ARFGEF1: variants seen among roughly 807,000 people sequenced by gnomAD.
ARFGEF1 encodes ARF guanine nucleotide exchange factor 1.
Under a neutral mutation model 231.0 loss-of-function variants are expected in ARFGEF1, and 42 were observed. The observed-to-expected ratio is 0.18, with a 90% confidence interval of 0.14 to 0.24. The LOEUF is 0.24. Ranked by LOEUF, ARFGEF1 falls within the 10% of genes least tolerant of loss-of-function variation. The pLI is 1.00. For synonymous variants in ARFGEF1, 710 were observed against 732.3 expected, an observed-to-expected ratio of 0.97 and a Z score of 0.49; for missense variants, 1,345 against 2,192.0, an observed-to-expected ratio of 0.61 and a Z score of 7.72.
Position 67,273,743 on chromosome 8 carries a change from C to CA in ARFGEF1, c.1338-1808dup, listed in dbSNP as rs1017492579. Among the ~76,000 whole-genome samples the CA allele has an allele frequency of 3.4e-3, 517 of 151,442 alleles. 7 individuals are homozygous for CA. The highest frequency in any genetic ancestry group is 9.7e-4 in the East Asian group (5 of 5,158). On this transcript the variant is annotated intron_variant, in intron 9 of 38. Coordinates refer to ENST00000262215, the MANE Select transcript of ARFGEF1 (RefSeq NM_006421.5). ...ATATATGCAGCAAATAGATAATTAC[C>CA]AAAAAAAATGCTTAGATAAATCAAG...
At chr8:67,318,771 T>G (rs1470057059) in intron 1 of ARFGEF1, among the ~76,000 whole-genome samples, 1 of 152,208 alleles carries the variant, frequency 6.6e-6, no homozygotes, top group Admixed American at 6.5e-5. Context: ...GTTCAGGAAT[T>G]CAAGACCAGC....
rs764089645 is a variant in ARFGEF1 at position 67,266,113 on chromosome 8, T to C, written c.2016A>G (p.Ser672=). The C allele has an allele frequency of 5.0e-6, 8 of 1,613,774 alleles. No individual in the cohort carries two copies. The highest frequency in any genetic ancestry group is 1.3e-5 in the African/African-American group (1 of 74,906). Residue 672 remains serine, a synonymous_variant, in exon 14 of 39, where the codon TCA becomes TCG. Transcript: ENST00000262215. ...YGSLNSLEST[S]SSGIGSYSTQ... ...TACTGTAGCTGCCTATTCCTGATGA[T>C]GATGTTGACTCCAGGGAATTTAAAC...
intron 23 of ARFGEF1, 135 bp from the exon 24 acceptor site, chr8:67,228,399 T>G (rs1839448482): frequency 1.4e-6 from 1 of 738,570 alleles, no homozygotes; most frequent in African/African-American, 1.8e-5. Context: ...ATGAGTATTT[T>G]TCATCATTTA....
chr8:67,204,911 C>A, intron 34 of ARFGEF1, 92 bp from the exon 35 acceptor site: 1 of 1,460,626 alleles, frequency 6.8e-7, no homozygotes, highest in Non-Finnish European at 9.4e-7. Context: ...AAGGAAACAT[C>A]AATATGTATT....
intron 14 of ARFGEF1, 85 bp from the exon 15 acceptor site, chr8:67,260,011 T>C (rs1276302419): frequency 6.3e-6 from 5 of 791,346 alleles, no homozygotes; most frequent in South Asian, 3.7e-5. Context: ...AATTTTCTAA[T>C]AGCACCCAGA....
intron 5 of ARFGEF1, 98 bp downstream of exon 5, chr8:67,296,333 C>T: frequency 9.3e-7 from 1 of 1,074,258 alleles, no homozygotes; most frequent in Non-Finnish European, 1.3e-6. Flanking sequence ...ACATTCTTTT[C>T]TACAGGTACA....
chr8:67,261,054 C>G (rs1804601162), intron 14 of ARFGEF1, among the ~76,000 whole-genome samples: 2 of 152,150 alleles, frequency 1.3e-5, no homozygotes, highest in South Asian at 4.1e-4. Flanking sequence ...TGGAAGCTAG[C>G]AGAGGTTGGA....
Position 67,289,487 on chromosome 8 carries a change from G to A in ARFGEF1, c.917-1422C>T, listed in dbSNP as rs572872315. On this transcript the variant is annotated intron_variant, in intron 6 of 38. Transcript: ENST00000262215. ...AAGGATCGCTTGCGCCTGGGAGGCA[G>A]GCAATGACCCATGATTGTGTAATTG... Among the ~76,000 whole-genome samples, 7 of 143,460 alleles carry A rather than the reference G, an allele frequency of 4.9e-5. No homozygotes were observed. In the South Asian group the frequency reaches 1.5e-3, roughly 31 times the overall value. 94.1% of individuals were successfully genotyped at this position (143,460 alleles called of 152,430 possible).
chr8:67,333,868 T>G (rs1205732978), intron 1 of ARFGEF1, among the ~76,000 whole-genome samples: 1 of 152,152 alleles, frequency 6.6e-6, no homozygotes, highest in African/African-American at 2.4e-5. Context: ...CCAGGTGCAG[T>G]GGCTCATGCC....
At chr8:67,342,984 T>G (rs1211575500) in intron 1 of ARFGEF1, among the ~76,000 whole-genome samples, 180 bp downstream of exon 1, 1 of 152,084 alleles carries the variant, frequency 6.6e-6, no homozygotes, top group Non-Finnish European at 1.5e-5. Context: ...ACCCCGCCTC[T>G]GCCCCACATC....
intron 22 of ARFGEF1, among the ~76,000 whole-genome samples, chr8:67,236,079 G>A (rs931064742): frequency 4.0e-5 from 6 of 151,688 alleles, no homozygotes; most frequent in African/African-American, 1.4e-4. Flanking sequence ...CAGATCACAT[G>A]AGGTCAGGAG....
rs1185342471 is a variant in ARFGEF1 at position 67,197,815 on chromosome 8, A to T, written c.*1119T>A. On this transcript the variant is annotated 3_prime_UTR_variant, in exon 39 of 39. Coordinates refer to ENST00000262215, the MANE Select transcript of ARFGEF1 (RefSeq NM_006421.5). ...ATATACATTTTGTCCATCTGAAAAA[A>T]TTTTCTACATCCACTGTTAATACGG... The T allele has an allele frequency of 1.0e-6, 1 of 985,714 alleles. No homozygotes were observed. The highest frequency in any genetic ancestry group is 1.1e-4 in the East Asian group (1 of 8,830). 61.1% of individuals were successfully genotyped at this position (985,714 alleles called of 1,614,324 possible). A position where few individuals can be genotyped will look rare whatever the true frequency, so the allele number is the denominator to read the frequency against.
At chr8:67,205,944 T>C (rs1199140269) in intron 34 of ARFGEF1, among the ~76,000 whole-genome samples, 1 of 149,916 alleles carries the variant, frequency 6.7e-6, no homozygotes, top group African/African-American at 2.4e-5. Flanking sequence ...CATAAGAAAA[T>C]AACAGAACAG....
intron 1 of ARFGEF1, among the ~76,000 whole-genome samples, chr8:67,333,040 C>CTTT (rs111581499): frequency 1.4e-5 from 2 of 141,870 alleles, no homozygotes; most frequent in African/African-American, 2.6e-5. Context: ...AAATTAAATA[C>CTTT]TTTTTTTTTT....
intron 33 of ARFGEF1, among the ~76,000 whole-genome samples, chr8:67,215,317 G>A (rs1378044951): frequency 1.3e-5 from 2 of 152,092 alleles, no homozygotes; most frequent in African/African-American, 4.8e-5. Context: ...ACCTTAGAAT[G>A]GGGTGACCAT....
In ARFGEF1 at chr8:67,227,171, C is replaced by T; in HGVS notation, c.3882G>A (p.Val1294=). ...LAASDQDESI[V]ELAFQTTGHI... ...GCCCGGTTGTTTGGAATGCAAGTTCCACTATGCTTTCATCTTGATCAGATG... is the reference window on the plus strand; with the variant it reads ...GCCCGGTTGTTTGGAATGCAAGTTCTACTATGCTTTCATCTTGATCAGATG... Residue 1294 remains valine, a synonymous_variant, in exon 27 of 39, where the codon GTG becomes GTA. Coordinates refer to ENST00000262215, the MANE Select transcript of ARFGEF1 (RefSeq NM_006421.5). 6.2e-7 allele frequency: 1 copy of T among 1,612,790 alleles called. No individual in the cohort carries two copies. The highest frequency in any genetic ancestry group is 8.5e-7 in the Non-Finnish European group (1 of 1,179,188).
intron 1 of ARFGEF1, among the ~76,000 whole-genome samples, chr8:67,329,168 G>A (rs1008721497): frequency 2.0e-5 from 3 of 152,088 alleles, no homozygotes; most frequent in African/African-American, 7.2e-5. Context: ...GGAGATGGCC[G>A]TGAGCCGACA....
At chr8:67,240,987 CAT>C (rs1839910147) in intron 19 of ARFGEF1, among the ~76,000 whole-genome samples, 1 of 152,090 alleles carries the variant, frequency 6.6e-6, no homozygotes, top group African/African-American at 2.4e-5. Context: ...TGAAATGTCT[CAT>C]GTGAAAGTAT....
rs141952492 is a variant in ARFGEF1 at position 67,291,908 on chromosome 8, T to A, written c.855A>T (p.Gly285=). Residue 285 remains glycine, a synonymous_variant, in exon 6 of 39, where the codon GGA becomes GGT. Transcript: ENST00000262215. ...SLQDDTEPEN[G]SDISSAENEQ... is the part of the protein sequence containing the mutation. The stretch of plus-strand genomic sequence containing the variant: ...CATTTTCTGCACTGGAAATATCAGA[T>A]CCATTTTCAGGCTCTGTGTCATCCT... 1,488 of 1,613,956 alleles carry A rather than the reference T, an allele frequency of 9.2e-4. 11 individuals carry two copies. The East Asian group carries it at 0.019, about 20-fold the overall frequency.
Sources: gnomAD v4.1 joint callset for allele counts (sites outside exome capture counted in the v4.1 genomes callset) on GRCh38, gnomAD v4.1.1 for gene constraint, MANE v1.5 for transcripts, NCBI Gene and HGNC (gene_info 2026-07-23, HGNC 2026-07-21) for gene names.